GPM6B: variants seen among roughly 807,000 people sequenced by gnomAD.
The protein encoded by GPM6B is neuronal membrane glycoprotein M6-b.
GPM6B carries 4 observed loss-of-function variants against 27.2 expected under a neutral mutation model. The ratio of observed to expected loss-of-function variants is 0.15; its 90% confidence interval spans 0.07 to 0.34. GPM6B has a LOEUF of 0.34. Among genes scored for constraint, GPM6B ranks in the 10% least tolerant of loss-of-function variants. GPM6B has a pLI of 1.00. For missense variants in GPM6B, 183 were observed against 261.9 expected (o/e 0.70, Z 2.08); for synonymous variants, 124 against 103.1 (o/e 1.20, Z -1.23).
Position 13,779,995 on chromosome X carries a change from C to A in GPM6B, c.526-6G>T. On this transcript the variant is annotated splice_region_variant and splice_polypyrimidine_tract_variant and intron_variant, in intron 4 of 7. Coordinates refer to ENST00000316715, the MANE Select transcript of GPM6B (RefSeq NM_001001995.3). ...ACATAGGTGAGGAAAACGAACTAGG[C>A]CAAAACAAGAGGAAGGACAATCATC... 1 of 1,169,371 alleles carries A rather than the reference C, an allele frequency of 8.6e-7. No individual in the cohort carries two copies. Among genetic ancestry groups the A allele is most frequent in the Non-Finnish European group, 1.2e-6 (1 of 865,837 alleles).
At chrX:13,812,157 C>A (rs1350473483) in intron 1 of GPM6B, among the ~76,000 whole-genome samples, 1 of 104,246 alleles carries the variant, frequency 9.6e-6, no homozygotes, top group African/African-American at 3.5e-5. Flanking sequence ...TCACGCCATT[C>A]TCCTGCCTCA....
intron 1 of GPM6B, among the ~76,000 whole-genome samples, chrX:13,888,655 G>A (rs2050160306): frequency 9.0e-6 from 1 of 111,219 alleles, no homozygotes; most frequent in Admixed American, 9.6e-5. Context: ...GCAGTCCCTC[G>A]CCACCACCAA....
intron 1 of GPM6B, among the ~76,000 whole-genome samples, chrX:13,868,188 A>G (rs911917473): frequency 2.9e-5 from 1 of 34,377 alleles, no homozygotes; most frequent in African/African-American, 8.4e-5. Flanking sequence ...AGACATTTAA[A>G]TTGTGTGTGT....
intron 7 of GPM6B, 89 bp downstream of exon 7, chrX:13,776,149 A>G (rs2048409040): frequency 9.4e-6 from 7 of 744,721 alleles, no homozygotes; most frequent in African/African-American, 2.1e-5. Context: ...ATTGGCTTCA[A>G]TAGGCTGGTA....
Position 13,917,782 on chromosome X carries a change from G to A in GPM6B, c.-198+20545C>T, listed in dbSNP as rs980069325. ...ACTCATATCATTTATGGTTTATTCT[G>A]TGACACAACTCATGGTTTTAATCAG... On this transcript the variant is annotated intron_variant, in intron 1 of 6. Coordinates refer to the GPM6B transcript ENST00000398361. Among the ~76,000 whole-genome samples, 3 of 112,126 alleles carry A rather than the reference G, an allele frequency of 2.7e-5. No individual in the cohort carries two copies. The Admixed American group carries it at 2.8e-4, about 11-fold the overall frequency.
Position 13,873,696 on chromosome X carries a change from C to A in GPM6B, c.-198+64631G>T, listed in dbSNP as rs890046739. 4.5e-5 allele frequency among the ~76,000 whole-genome samples: 5 copies of A among 111,835 alleles called. No individual in the cohort carries two copies. In the South Asian group the frequency reaches 1.1e-3, roughly 25 times the overall value. ...GCATATGGTAAGCCCTCCAGTGACACTGATTATGAATATATCCTGGGCCAG... is the reference window on the plus strand; with the variant it reads ...GCATATGGTAAGCCCTCCAGTGACAATGATTATGAATATATCCTGGGCCAG... On this transcript the variant is annotated intron_variant, in intron 1 of 6. Coordinates refer to the GPM6B transcript ENST00000398361.
intron 1 of GPM6B, among the ~76,000 whole-genome samples, chrX:13,831,773 G>A (rs2049442973): frequency 8.9e-6 from 1 of 111,804 alleles, no homozygotes; most frequent in Non-Finnish European, 1.9e-5. Context: ...CAGTTACACT[G>A]AAATTATTAT....
In GPM6B at chrX:13,771,925, G is replaced by C. The variant is rs1223369370; in HGVS notation, c.*956C>G. ...GAGGTCTGTGGTCAATTTGCAATTA[G>C]GTTTTAGATAGTTGGTATGAAACTG... is the stretch of plus-strand genomic sequence containing the variant. On this transcript the variant is annotated 3_prime_UTR_variant, in exon 8 of 8. Coordinates refer to ENST00000316715, the MANE Select transcript of GPM6B (RefSeq NM_001001995.3). 4 of 112,371 alleles carry C rather than the reference G, an allele frequency of 3.6e-5. No homozygotes were observed. Among genetic ancestry groups the C allele is most frequent in the African/African-American group, 1.3e-4 (4 of 30,871 alleles). The allele number at this position is 112,371 out of a possible 1,213,427, so 9.3% of individuals were successfully genotyped here. A position where few individuals can be genotyped will look rare whatever the true frequency, so the allele number is the denominator to read the frequency against.
intron 1 of GPM6B, among the ~76,000 whole-genome samples, chrX:13,865,119 G>A (rs2049894597): frequency 9.0e-6 from 1 of 111,304 alleles, no homozygotes; most frequent in Non-Finnish European, 1.9e-5. Flanking sequence ...GTGAATAAAG[G>A]GGGACTACTG....
intron 2 of GPM6B, among the ~76,000 whole-genome samples, chrX:13,792,814 C>T (rs147905761): frequency 0.066 from 7,123 of 107,813 alleles, 245 homozygotes; most frequent in Non-Finnish European, 0.094. Flanking sequence ...GCAGGAGAAT[C>T]GCTTGAACCA....
At chrX:13,893,451 C>T (rs765125255) in intron 1 of GPM6B, among the ~76,000 whole-genome samples, 2 of 111,542 alleles carry the variant, frequency 1.8e-5, no homozygotes, top group African/African-American at 3.2e-5. Flanking sequence ...TATTGGCTTC[C>T]GCCTTCTCTC....
chrX:13,796,694 T>C (rs187248666), intron 2 of GPM6B, among the ~76,000 whole-genome samples: 39 of 112,734 alleles, frequency 3.5e-4, no homozygotes, highest in African/African-American at 1.1e-3. Context: ...CAGGTCCTTT[T>C]AGAAGCTTGT....
At chrX:13,861,129 TATATATATAATATAC>T (rs1399471901) in intron 1 of GPM6B, among the ~76,000 whole-genome samples, 1 of 92,287 alleles carries the variant, frequency 1.1e-5, no homozygotes, top group African/African-American at 4.7e-5. Flanking sequence ...TACACATACA[TATATATATAATATAC>T]ATATATACAT....
chrX:13,829,881 T>TA (rs1313909567), intron 1 of GPM6B, among the ~76,000 whole-genome samples: 6 of 101,983 alleles, frequency 5.9e-5, no homozygotes, highest in Non-Finnish European at 1.2e-4. Context: ...TTTTTTTTTT[T>TA]AAAGCACAGT....
At chrX:13,780,804 C>G (rs942781682) in intron 4 of GPM6B, 1 of 173,249 alleles carries the variant, frequency 5.8e-6, no homozygotes, top group Admixed American at 7.7e-5. Context: ...TATTTGTGTT[C>G]TCAGAAGGCG....
chrX:13,926,505 C>T (rs1486878691), intron 1 of GPM6B, among the ~76,000 whole-genome samples: 3 of 110,719 alleles, frequency 2.7e-5, no homozygotes, highest in Non-Finnish European at 5.7e-5. Flanking sequence ...AAAATTTCTC[C>T]TAAGAAATAG....
chrX:13,814,707 G>T (rs2049202190), intron 1 of GPM6B, among the ~76,000 whole-genome samples: 1 of 111,848 alleles, frequency 8.9e-6, no homozygotes, highest in South Asian at 3.7e-4. Flanking sequence ...CTTTGATTTT[G>T]TGTAGCCAGC....
intron 1 of GPM6B, among the ~76,000 whole-genome samples, chrX:13,886,646 G>A (rs1227554456): frequency 2.2e-5 from 2 of 92,864 alleles, no homozygotes; most frequent in African/African-American, 8.6e-5. Flanking sequence ...CCCTGAACAG[G>A]ACTGACCATC....
At chrX:13,921,126 C>T (rs952298798) in intron 1 of GPM6B, among the ~76,000 whole-genome samples, 4 of 111,971 alleles carry the variant, frequency 3.6e-5, no homozygotes, top group Non-Finnish European at 7.5e-5. Context: ...TGAATATCAA[C>T]TGACTTACAC....
Sources: allele counts gnomAD v4.1 joint callset (sites outside exome capture counted in the v4.1 genomes callset), GRCh38; gene constraint gnomAD v4.1.1; transcripts MANE v1.5; gene names NCBI Gene and HGNC (gene_info 2026-07-23, HGNC 2026-07-21).